The following DMD variants were observed in gnomAD, a reference collection of about 807,000 sequenced individuals.
The protein encoded by DMD is mutant dystrophin.
DMD carries 63 observed loss-of-function variants against 330.1 expected under a neutral mutation model. The ratio of observed to expected loss-of-function variants is 0.19; its 90% CI spans 0.16 to 0.24. The LOEUF (loss-of-function observed/expected upper bound fraction) is 0.24, where lower values mean the gene tolerates loss of function less well. Among genes scored for constraint, DMD ranks in the 10% least tolerant of loss-of-function variants. DMD has a pLI of 1.00. For missense variants in DMD, 3,344 were observed against 2,684.1 expected (o/e 1.25, Z -5.43); for synonymous variants, 1,223 against 959.8 (o/e 1.27, Z -5.07).
At chrX:31,834,087 A>T (rs1223297087) in intron 49 of DMD, among the ~76,000 whole-genome samples, 1 of 111,506 alleles carries the variant, frequency 9.0e-6, no homozygotes. Context: ...TATAAATAGG[A>T]CAAATTTTAA....
chrX:31,679,301 A>G, intron 53 of DMD, 74 bp downstream of exon 53: 3 of 910,011 alleles, frequency 3.3e-6, no homozygotes, highest in Non-Finnish European at 4.6e-6. Context: ...AAACATCATT[A>G]AATTACAATC....
At chrX:32,989,288 T>C (rs1422987858) in intron 2 of DMD, among the ~76,000 whole-genome samples, 6 of 111,772 alleles carry the variant, frequency 5.4e-5, no homozygotes, top group African/African-American at 1.9e-4. Context: ...AAAACCCTTC[T>C]CATCTGACAC....
chrX:32,065,798 A>C (rs2096255917), intron 44 of DMD, among the ~76,000 whole-genome samples: 1 of 112,089 alleles, frequency 8.9e-6, no homozygotes, highest in African/African-American at 3.2e-5. Context: ...TGTGGACGTT[A>C]AATATTTTAA....
At chrX:32,804,663 C>A (rs751347478) in intron 7 of DMD, among the ~76,000 whole-genome samples, 1 of 112,461 alleles carries the variant, frequency 8.9e-6, no homozygotes, top group African/African-American at 3.2e-5. Context: ...CCCTGACCCC[C>A]GTGCCTCCTG....
intron 57 of DMD, among the ~76,000 whole-genome samples, chrX:31,481,808 T>C (rs1339187385): frequency 1.8e-5 from 2 of 111,391 alleles, no homozygotes; most frequent in Non-Finnish European, 1.9e-5. Context: ...TCTAGGTATT[T>C]ACATTTCAAA....
intron 1 of DMD, among the ~76,000 whole-genome samples, chrX:33,335,632 TAGAC>T (rs904162402): frequency 2.7e-5 from 3 of 110,985 alleles, no homozygotes; most frequent in East Asian, 2.9e-4. Context: ...GCTTCCCAGA[TAGAC>T]AGGCTATCTG....
intron 43 of DMD, among the ~76,000 whole-genome samples, chrX:32,264,242 G>A: frequency 9.0e-6 from 1 of 111,491 alleles, no homozygotes; most frequent in African/African-American, 3.3e-5. Context: ...GCCATCATGT[G>A]ACAAAGGATG....
intron 1 of DMD, among the ~76,000 whole-genome samples, chrX:33,116,630 C>T (rs969864026): frequency 8.1e-5 from 9 of 111,583 alleles, no homozygotes; most frequent in Non-Finnish European, 1.7e-4. Flanking sequence ...GCAATTATGT[C>T]GATAACTGGG....
chrX:32,510,395 C>T (rs1215346457), intron 18 of DMD, among the ~76,000 whole-genome samples: 2 of 111,956 alleles, frequency 1.8e-5, no homozygotes, highest in Non-Finnish European at 3.8e-5. Flanking sequence ...ACTCTGTCTA[C>T]AAGCACATGC....
chrX:31,571,365 TTGTC>T (rs1487599673), intron 55 of DMD, among the ~76,000 whole-genome samples: 3 of 108,193 alleles, frequency 2.8e-5, no homozygotes, highest in Admixed American at 1.0e-4. Context: ...GAATTTTTAA[TTGTC>T]TGTCTGAGTC....
At chrX:32,143,979 T>G (rs2096766695) in intron 44 of DMD, among the ~76,000 whole-genome samples, 1 of 111,378 alleles carries the variant, frequency 9.0e-6, no homozygotes, top group African/African-American at 3.3e-5. Flanking sequence ...TGTTTCGTTC[T>G]GGGTACCTAA....
At position 32,823,355 on chromosome X, in the gene DMD, G is replaced by T. The variant is rs1004456825; in HGVS notation, c.297C>A (p.Ile99=). The T allele has an allele frequency of 1.7e-6, 2 of 1,207,913 alleles. No individual in the cohort carries two copies. The highest frequency in any genetic ancestry group is 2.3e-4 in the Middle Eastern group (1 of 4,344). ...GAGTCAGTTTATGATTTCCATCTAC[G>T]ATGTCAGTACTTCCAATATTCACTA... ...VDLVNIGSTD[I]VDGNHKLTLG... Residue 99 remains isoleucine (I), a synonymous_variant, in exon 5 of 79, where the codon ATC becomes ATA. Transcript: ENST00000357033.
intron 2 of DMD, among the ~76,000 whole-genome samples, chrX:32,872,926 G>C (rs57187940): frequency 0.032 from 3,588 of 111,830 alleles, 127 homozygotes; most frequent in African/African-American, 0.093. Context: ...AGTGCCTCAT[G>C]CATTCATTTT....
intron 1 of DMD, among the ~76,000 whole-genome samples, chrX:33,241,553 T>C (rs1057446280): frequency 1.8e-5 from 2 of 112,025 alleles, no homozygotes; most frequent in South Asian, 7.4e-4. Context: ...GTGGTTCCAA[T>C]TTCTGTAAAA....
At chrX:32,954,097 AT>A (rs1413532465) in intron 2 of DMD, among the ~76,000 whole-genome samples, 1 of 112,456 alleles carries the variant, frequency 8.9e-6, no homozygotes, top group African/African-American at 3.2e-5. Context: ...GCTTACTATA[AT>A]TTTAAGATAC....
chrX:32,390,230 T>C, intron 30 of DMD, 49 bp from the exon 31 acceptor site: 1 of 963,262 alleles, frequency 1.0e-6, no homozygotes, highest in Non-Finnish European at 1.5e-6. Context: ...AAAGAACAAC[T>C]AACTTTCCAA....
chrX:32,339,458 T>C (rs1448395578), intron 41 of DMD, among the ~76,000 whole-genome samples: 1 of 111,854 alleles, frequency 8.9e-6, no homozygotes, highest in Non-Finnish European at 1.9e-5. Flanking sequence ...CCCAGTCTCA[T>C]GCCTCTTTCT....
At chrX:32,618,839 G>A (rs1036979022) in intron 11 of DMD, among the ~76,000 whole-genome samples, 1 of 110,849 alleles carries the variant, frequency 9.0e-6, no homozygotes, top group Non-Finnish European at 1.9e-5. Context: ...TTAAAAAAAA[G>A]AAAACCTTTA....
chrX:32,732,855 T>TA (rs1262251372), intron 7 of DMD, among the ~76,000 whole-genome samples: 1 of 110,106 alleles, frequency 9.1e-6, no homozygotes, highest in Non-Finnish European at 1.9e-5. Context: ...CTGCATCAAC[T>TA]AACGAGCAAA....
Sources: allele counts gnomAD v4.1 joint callset (sites outside exome capture counted in the v4.1 genomes callset), GRCh38; gene constraint gnomAD v4.1.1; transcripts MANE v1.5; gene names NCBI Gene and HGNC (gene_info 2026-07-23, HGNC 2026-07-21).